The following DEF6 variants were observed in gnomAD, a reference collection of about 807,000 sequenced individuals.
DEF6 encodes DEF6 guanine nucleotide exchange factor.
DEF6 carries 32 observed loss-of-function variants against 80.5 expected under a neutral mutation model. The observed-to-expected ratio is 0.40, with a 90% CI of 0.30 to 0.53. The LOEUF (loss-of-function observed/expected upper bound fraction) is 0.53, where lower values mean the gene tolerates loss of function less well. Among genes scored for constraint, DEF6 ranks in the 20% least tolerant of loss-of-function variants. The probability of loss-of-function intolerance (pLI) is 0.57; values close to 1 mark genes in which losing one functional copy is unlikely to be tolerated. For synonymous variants in DEF6, 300 were observed against 337.9 expected, an observed-to-expected ratio of 0.89 and a Z score of 1.23; for missense variants, 575 against 818.7, an observed-to-expected ratio of 0.70 and a Z score of 3.63.
rs1791558723 is a variant in DEF6, at chr6:35,319,262, T to C, written c.1216-262T>C. On this transcript the variant is annotated intron_variant, in intron 7 of 10. Transcript: ENST00000316637. This position sits in a 1 kb window ranked among gnomAD's most constrained non-coding sequence, Gnocchi z 4.5. ...TATTTAATTATATAATGTTGTTTAATTACATGTTATATAATTATGATTAAG... is the reference window on the plus strand; with the variant it reads ...TATTTAATTATATAATGTTGTTTAACTACATGTTATATAATTATGATTAAG... Among the ~76,000 whole-genome samples, 1 of 152,028 alleles carries C rather than the reference T, an allele frequency of 6.6e-6. No individual in the cohort carries two copies. Among genetic ancestry groups the C allele is most frequent in the African/African-American group, 2.4e-5 (1 of 41,364 alleles).
At chr6:35,300,432 C>T (rs1018159002) in intron 1 of DEF6, among the ~76,000 whole-genome samples, 5 of 152,288 alleles carry the variant, frequency 3.3e-5, no homozygotes, top group South Asian at 2.1e-4. Context: ...TGCCACTTCT[C>T]CCCTAATGTG....
chr6:35,304,118 G>A (rs764406626), intron 1 of DEF6, among the ~76,000 whole-genome samples: 12 of 152,086 alleles, frequency 7.9e-5, no homozygotes, highest in Non-Finnish European at 1.2e-4. Flanking sequence ...GGGCACAAGA[G>A]CAAAACTACA....
Position 35,318,350 on chromosome 6 carries a change from A to T in DEF6, c.1094A>T (p.Glu365Val), listed in dbSNP as rs1348711975. Residue 365 changes from glutamate to valine, a missense_variant, in exon 7 of 11, where the codon GAG becomes GTG. By Grantham distance (121) the Glu-to-Val change is moderately radical. Coordinates refer to ENST00000316637, the MANE Select transcript of DEF6 (RefSeq NM_022047.4). This position sits in a 1 kb window ranked among gnomAD's most constrained non-coding sequence, Gnocchi z 5.1. ...AAGGAGCGGAAGCTGCAGGAGCTGG[A>T]GCTGCTGCAGGAGGCGCAGCGGCAG... The part of the protein sequence containing the change: ...EEKERKLQEL[E>V]LLQEAQRQAE... The T allele has an allele frequency of 8.4e-6, 13 of 1,543,332 alleles. No homozygotes were observed. Among genetic ancestry groups the T allele is most frequent in the Non-Finnish European group, 1.1e-5 (13 of 1,146,352 alleles).
rs1472324215 is a variant in DEF6, at chr6:35,320,838, C to CA, written c.1582-45dup. 2.0e-6 allele frequency: 3 copies of CA among 1,535,252 alleles called. No individual in the cohort carries two copies. In the African/African-American group the frequency reaches 4.1e-5, roughly 21 times the overall value. On this transcript the variant is annotated intron_variant, in intron 9 of 10. Transcript: ENST00000316637. ...ACCTGAAAAGATCAAGACTCCATGC[C>CA]ATGGATGATGGTTCTGATCACTCCC...
chr6:35,309,052 C>T (rs1426102405), intron 1 of DEF6, among the ~76,000 whole-genome samples: 1 of 152,166 alleles, frequency 6.6e-6, no homozygotes, highest in African/African-American at 2.4e-5. Context: ...TTCTTTGAGC[C>T]CTCTCCTCTC....
chr6:35,305,597 TCTCA>T lies in DEF6; in HGVS notation c.97-4069_97-4066del, dbSNP rs550400478. Among the ~76,000 whole-genome samples, 24 of 151,842 alleles carry T rather than the reference TCTCA, an allele frequency of 1.6e-4. No individual in the cohort carries two copies. In the South Asian group the frequency reaches 4.4e-3, roughly 28 times the overall value. ...GTGTGTATGTGTGTGTGTGACAGAG[TCTCA>T]CTCTGCCACCCAGGCTGGAGTGCAG... On this transcript the variant is annotated intron_variant, in intron 1 of 10. Transcript: ENST00000316637.
chr6:35,310,760 T>C (rs1791456829), intron 3 of DEF6, 116 bp downstream of exon 3: 2 of 1,075,698 alleles, frequency 1.9e-6, no homozygotes, highest in African/African-American at 1.6e-5. Context: ...TTCTTTACCA[T>C]CTTCCCATGC....
chr6:35,308,348 T>A (rs1417525481), intron 1 of DEF6, among the ~76,000 whole-genome samples: 2 of 150,098 alleles, frequency 1.3e-5, no homozygotes, highest in Non-Finnish European at 1.5e-5. Context: ...CTGGGCAACA[T>A]ATGCAGACCT....
In DEF6 at chr6:35,312,456, G is replaced by A; in HGVS notation, c.578G>A (p.Cys193Tyr). Residue 193 changes from cysteine to tyrosine, a missense_variant, in exon 4 of 11, where the codon TGC becomes TAC. Physicochemically the swap from Cys to Tyr is radical, Grantham distance 194. Transcript: ENST00000316637. This position sits in a 1 kb window ranked among gnomAD's most constrained non-coding sequence, Gnocchi z 6.6. ...QFLELFNSGR[C>Y]LRGVGRDTLS... ...CTGGAGCTCTTCAATTCGGGCCGCT[G>A]CCTGCGGGGCGTGGGCCGGGACACC... 6.2e-7 allele frequency: 1 copy of A among 1,614,168 alleles called. No homozygotes were observed. Among genetic ancestry groups the A allele is most frequent in the Non-Finnish European group, 8.5e-7 (1 of 1,180,044 alleles).
Position 35,318,023 on chromosome 6 carries a change from G to T in DEF6, c.916+24G>T. 6.2e-7 allele frequency: 1 copy of T among 1,601,764 alleles called. No individual in the cohort carries two copies. The highest frequency in any genetic ancestry group is 8.5e-7 in the Non-Finnish European group (1 of 1,173,754). Reference sequence around the variant, plus strand: ...TGGTGAGTGCTCGCTAGGTGGCTTGGGTCTGGGTGGTCCTTAGGCGCCTCA... The same window carrying T: ...TGGTGAGTGCTCGCTAGGTGGCTTGTGTCTGGGTGGTCCTTAGGCGCCTCA... On this transcript the variant is annotated intron_variant, in intron 6 of 10. Coordinates refer to ENST00000316637, the MANE Select transcript of DEF6 (RefSeq NM_022047.4). This position sits in a 1 kb window ranked among gnomAD's most constrained non-coding sequence, Gnocchi z 5.1.
chr6:35,318,373 C>G lies in DEF6; in HGVS notation c.1117C>G (p.Gln373Glu). 1.3e-6 allele frequency: 2 copies of G among 1,538,684 alleles called. No individual in the cohort carries two copies. The highest frequency in any genetic ancestry group is 1.7e-6 in the Non-Finnish European group (2 of 1,145,648). Residue 373 changes from glutamine (Q) to glutamate (E), a missense_variant, in exon 7 of 11, where the codon CAG becomes GAG. Transcript: ENST00000316637. This position sits in a 1 kb window ranked among gnomAD's most constrained non-coding sequence, Gnocchi z 5.1. ...ELELLQEAQR[Q>E]AERLLQEEEE... ...GGAGCTGCTGCAGGAGGCGCAGCGG[C>G]AGGCCGAGCGGCTGCTGCAGGAGGA...
At chr6:35,309,195 G>A (rs1036341390) in intron 1 of DEF6, among the ~76,000 whole-genome samples, 7 of 152,232 alleles carry the variant, frequency 4.6e-5, no homozygotes, top group Non-Finnish European at 7.3e-5. Flanking sequence ...AAACTGTCTA[G>A]CATTGTGGGA....
Position 35,319,386 on chromosome 6 carries a change from G to C in DEF6, c.1216-138G>C, listed in dbSNP as rs1395957199. The C allele has an allele frequency of 1.6e-6, 1 of 634,932 alleles. No homozygotes were observed. Among genetic ancestry groups the C allele is most frequent in the Non-Finnish European group, 2.8e-6 (1 of 362,538 alleles). The allele number at this position is 634,932 out of a possible 1,614,324, so 39.3% of individuals were successfully genotyped here. Reference sequence around the variant, plus strand: ...CAGTCAGGCTCTCAGAAAGGGGTCAGATCAGGAAACCCCAACATGAAGGAG... The same window carrying C: ...CAGTCAGGCTCTCAGAAAGGGGTCACATCAGGAAACCCCAACATGAAGGAG... On this transcript the variant is annotated intron_variant, in intron 7 of 10. Transcript: ENST00000316637. The surrounding 1 kb of genome is among the most constrained non-coding windows in gnomAD (Gnocchi z 4.5).
rs1237156583 is a variant in DEF6, at chr6:35,312,147, C to G, written c.424-155C>G. Among the ~76,000 whole-genome samples the G allele has an allele frequency of 2.6e-5, 4 of 152,154 alleles. No homozygotes were observed. The highest frequency in any genetic ancestry group is 9.7e-5 in the African/African-American group (4 of 41,430). ...TCCAGGATCCTCTCCCAGGTCTTTTCCCTGGCTCCATAACATTCGGTCCTC... is the reference window on the plus strand; with the variant it reads ...TCCAGGATCCTCTCCCAGGTCTTTTGCCTGGCTCCATAACATTCGGTCCTC... On this transcript the variant is annotated intron_variant, in intron 3 of 10. Coordinates refer to ENST00000316637, the MANE Select transcript of DEF6 (RefSeq NM_022047.4). This position sits in a 1 kb window ranked among gnomAD's most constrained non-coding sequence, Gnocchi z 6.6.
rs932560893 is a variant in DEF6, at chr6:35,318,728, T to C, written c.1215+257T>C. Among the ~76,000 whole-genome samples the C allele has an allele frequency of 3.3e-5, 5 of 151,482 alleles. No individual in the cohort carries two copies. In the East Asian group the frequency reaches 9.8e-4, roughly 30 times the overall value. On this transcript the variant is annotated intron_variant, in intron 7 of 10. Coordinates refer to ENST00000316637, the MANE Select transcript of DEF6 (RefSeq NM_022047.4). The surrounding 1 kb of genome is among the most constrained non-coding windows in gnomAD (Gnocchi z 5.1). ...GGCGAGGTCCGAGCCCGTGGATGGA[T>C]GGGGCCTGGTTCGGAGACCTTGGCT...
chr6:35,310,747 TC>T, intron 3 of DEF6, 103 bp downstream of exon 3: 1 of 1,214,000 alleles, frequency 8.2e-7, no homozygotes, highest in African/African-American at 1.5e-5. Flanking sequence ...ATATCCCCTT[TC>T]TTTCTTTACC....
intron 1 of DEF6, among the ~76,000 whole-genome samples, chr6:35,301,937 G>A (rs1404433637): frequency 3.9e-5 from 6 of 152,054 alleles, no homozygotes; most frequent in South Asian, 2.1e-4. Flanking sequence ...ATGTTGGCCA[G>A]GCTGGTCTTG....
chr6:35,304,515 A>T (rs1245926270), intron 1 of DEF6, among the ~76,000 whole-genome samples: 2 of 152,242 alleles, frequency 1.3e-5, no homozygotes, highest in Admixed American at 1.3e-4. Context: ...CTGGAGGAAC[A>T]TTAAGAAGGC....
intron 1 of DEF6, among the ~76,000 whole-genome samples, chr6:35,306,965 A>G (rs1791400137): frequency 6.6e-6 from 1 of 152,242 alleles, no homozygotes; most frequent in African/African-American, 2.4e-5. Flanking sequence ...CTTTCCAGCT[A>G]CATACAGTGG....
Sources: gnomAD v4.1 joint callset for allele counts (sites outside exome capture counted in the v4.1 genomes callset) on GRCh38, gnomAD v4.1.1 for gene constraint, Gnocchi (gnomAD v3.1) non-coding constraint, MANE v1.5 for transcripts, NCBI Gene and HGNC (gene_info 2026-07-23, HGNC 2026-07-21) for gene names.